Variants in PTK2 observed in about 807,000 individuals in gnomAD.
The protein encoded by PTK2 is protein tyrosine kinase 2.
In PTK2, 45 loss-of-function variants were observed where a neutral mutation model predicts 150.1. The observed-to-expected ratio is 0.30, with a 90% CI of 0.24 to 0.38. The LOEUF (loss-of-function observed/expected upper bound fraction) is 0.38, where lower values mean the gene tolerates loss of function less well. Ranked by LOEUF, PTK2 falls within the 10% of genes least tolerant of loss-of-function variation. The pLI, the probability that PTK2 is intolerant of heterozygous loss-of-function variation, is 1.00. For missense variants in PTK2, 919 were observed against 1,307.3 expected, an observed-to-expected ratio of 0.70 and a Z score of 4.58; for synonymous variants, 432 against 449.2, an observed-to-expected ratio of 0.96 and a Z score of 0.48.
At chr8:140,932,017 T>G (rs1367343621) in intron 1 of PTK2, among the ~76,000 whole-genome samples, 1 of 151,436 alleles carries the variant, frequency 6.6e-6, no homozygotes, top group Admixed American at 6.6e-5. Flanking sequence ...AGATATTATG[T>G]CAAGACAAAT....
At chr8:140,734,949 GA>G in intron 22 of PTK2, 2 of 450,496 alleles carry the variant, frequency 4.4e-6, no homozygotes, top group South Asian at 4.2e-5. Flanking sequence ...TGTTAGATGA[GA>G]TTAGTGAGGA....
At chr8:140,998,507 G>A (rs2100198653) in intron 1 of PTK2, among the ~76,000 whole-genome samples, 2 of 150,660 alleles carry the variant, frequency 1.3e-5, no homozygotes, top group Admixed American at 6.6e-5. Flanking sequence ...TTTTTTTAAA[G>A]AGGCTACCTT....
At chr8:140,958,711 T>C (rs1382049918) in intron 1 of PTK2, among the ~76,000 whole-genome samples, 1 of 152,236 alleles carries the variant, frequency 6.6e-6, no homozygotes, top group Non-Finnish European at 1.5e-5. Flanking sequence ...ATACTAATAA[T>C]GTTTAAATTA....
At chr8:140,661,195 G>C (rs371137002) in intron 31 of PTK2, among the ~76,000 whole-genome samples, 4 of 152,190 alleles carry the variant, frequency 2.6e-5, no homozygotes, top group East Asian at 1.9e-4. Context: ...AGGGATAAGA[G>C]ATTTTTAAGA....
intron 14 of PTK2, among the ~76,000 whole-genome samples, chr8:140,780,368 A>T (rs931147682): frequency 3.9e-5 from 6 of 152,160 alleles, no homozygotes; most frequent in African/African-American, 9.7e-5. Context: ...GAACAACCAG[A>T]TGTACATCAC....
intron 1 of PTK2, among the ~76,000 whole-genome samples, chr8:141,000,121 A>ACACACACACC (rs1569551332): frequency 1.3e-5 from 2 of 149,598 alleles, no homozygotes; most frequent in African/African-American, 5.1e-5. Flanking sequence ...ACACACACAC[A>ACACACACACC]CACACCCCTT....
chr8:140,846,301 C>T (rs765888707), exon 7 of PTK2: 1 of 1,612,414 alleles, frequency 6.2e-7, no homozygotes, highest in East Asian at 2.2e-5. Flanking sequence ...GTGCATTGCC[C>T]CGCATCTCCC....
At chr8:140,674,653 C>T (rs1589421716) in intron 28 of PTK2, among the ~76,000 whole-genome samples, 2 of 151,592 alleles carry the variant, frequency 1.3e-5, no homozygotes, top group African/African-American at 4.8e-5. Context: ...GCAGGAGAAT[C>T]GCTTGAACCC....
At chr8:140,726,968 C>G (rs896770578) in intron 22 of PTK2, among the ~76,000 whole-genome samples, 7 of 152,106 alleles carry the variant, frequency 4.6e-5, no homozygotes, top group Non-Finnish European at 2.9e-5. Context: ...ATGGACATTC[C>G]TGCTGGCAAA....
intron 1 of PTK2, among the ~76,000 whole-genome samples, chr8:140,984,502 C>T (rs1393221053): frequency 1.3e-5 from 2 of 152,148 alleles, no homozygotes; most frequent in East Asian, 1.9e-4. Context: ...TAAAATATAA[C>T]GAGATCCCTG....
rs796427956 is a variant in PTK2 at position 140,949,177 on chromosome 8, ATT to A, written c.-121-23430_-121-23429del. Among the ~76,000 whole-genome samples the A allele has an allele frequency of 1.3e-4, 20 of 152,284 alleles. No individual in the cohort carries two copies. In the East Asian group the frequency reaches 3.3e-3, roughly 25 times the overall value. On this transcript the variant is annotated intron_variant, in intron 1 of 31. Coordinates refer to ENST00000522684, the Ensembl canonical transcript of PTK2. ...TAATATTTCTTATGATCTTCTTAATATTTTTTCTCTAGTTTACTCTGTTGTAA... is the reference window on the plus strand; with the variant it reads ...TAATATTTCTTATGATCTTCTTAATATTTTCTCTAGTTTACTCTGTTGTAA...
At position 140,756,691 on chromosome 8, in the gene PTK2, C is replaced by CAA. The variant is rs544200204; in HGVS notation, c.1333-4377_1333-4376dup. On this transcript the variant is annotated intron_variant, in intron 16 of 31. Coordinates refer to ENST00000522684, the Ensembl canonical transcript of PTK2. ...GGGCAACAAGAGGGAAACTCTGTCTCAAAAAAAAAAAAAAAAGGCGGGGCG... is the reference window on the plus strand; with the variant it reads ...GGGCAACAAGAGGGAAACTCTGTCTCAAAAAAAAAAAAAAAAAAGGCGGGGCG... 6.0e-3 allele frequency among the ~76,000 whole-genome samples: 599 copies of CAA among 99,462 alleles called. 1 individual carries two copies. Among genetic ancestry groups the CAA allele is most frequent in the African/African-American group, 0.015 (380 of 25,936 alleles). 65.3% of individuals were successfully genotyped at this position (99,462 alleles called of 152,430 possible).
intron 2 of PTK2, among the ~76,000 whole-genome samples, chr8:140,901,831 C>T (rs1212907169): frequency 2.0e-5 from 3 of 151,938 alleles, no homozygotes; most frequent in African/African-American, 7.3e-5. Flanking sequence ...CGACAGGCCC[C>T]GGTGTGTGAT....
At chr8:140,896,926 G>A (rs1398453638) in intron 2 of PTK2, among the ~76,000 whole-genome samples, 2 of 152,052 alleles carry the variant, frequency 1.3e-5, no homozygotes, top group African/African-American at 4.8e-5. Context: ...TAAACTGCTG[G>A]AATAAATAAA....
At chr8:140,894,577 C>T (rs937906641) in intron 2 of PTK2, among the ~76,000 whole-genome samples, 2 of 152,078 alleles carry the variant, frequency 1.3e-5, no homozygotes, top group African/African-American at 2.4e-5. Flanking sequence ...AAGAAGAGCC[C>T]TATAATTGAC....
At chr8:140,965,964 A>G (rs2100185113) in intron 1 of PTK2, among the ~76,000 whole-genome samples, 1 of 152,238 alleles carries the variant, frequency 6.6e-6, no homozygotes, top group Non-Finnish European at 1.5e-5. Flanking sequence ...CTTAAGCACT[A>G]TTAATTAAAA....
intron 2 of PTK2, among the ~76,000 whole-genome samples, chr8:140,911,804 T>G (rs545184258): frequency 2.0e-5 from 3 of 152,198 alleles, no homozygotes; most frequent in Non-Finnish European, 4.4e-5. Context: ...ATTTTCCAAC[T>G]TATTTTATTA....
chr8:140,968,524 G>T (rs2100186114), intron 1 of PTK2, among the ~76,000 whole-genome samples: 1 of 152,178 alleles, frequency 6.6e-6, no homozygotes, highest in African/African-American at 2.4e-5. Flanking sequence ...AAGGAGCTTG[G>T]TCAACATCAT....
chr8:140,806,251 A>G (rs2100098131), intron 10 of PTK2, among the ~76,000 whole-genome samples: 1 of 152,252 alleles, frequency 6.6e-6, no homozygotes, highest in Admixed American at 6.5e-5. Context: ...AGGGAATCCT[A>G]TACTATGCTG....
Sources: gnomAD v4.1 joint callset for allele counts (sites outside exome capture counted in the v4.1 genomes callset) on GRCh38, gnomAD v4.1.1 for gene constraint, MANE v1.5 for transcripts, NCBI Gene and HGNC (gene_info 2026-07-23, HGNC 2026-07-21) for gene names.